CBFB: variants seen among roughly 807,000 people sequenced by gnomAD.
CBFB encodes the protein CBF-beta.
Under a neutral mutation model 30.4 loss-of-function variants are expected in CBFB, and 9 were observed. The ratio of observed to expected loss-of-function variants is 0.30; its 90% confidence interval spans 0.18 to 0.52. The LOEUF is 0.52. Among genes scored for constraint, CBFB ranks in the 20% least tolerant of loss-of-function variants. CBFB has a pLI of 0.97. For missense variants in CBFB, 170 were observed against 244.0 expected, an observed-to-expected ratio of 0.70 and a Z score of 2.02; for synonymous variants, 94 against 84.0, an observed-to-expected ratio of 1.12 and a Z score of -0.65.
chr16:67,078,009 T>C (rs1421156432), intron 4 of CBFB, among the ~76,000 whole-genome samples: 1 of 152,196 alleles, frequency 6.6e-6, no homozygotes, highest in Non-Finnish European at 1.5e-5. Flanking sequence ...GACGGGAGAA[T>C]TGAAAACCTT....
intron 3 of CBFB, among the ~76,000 whole-genome samples, chr16:67,065,105 G>T (rs1961016347): frequency 6.6e-6 from 1 of 152,074 alleles, no homozygotes; most frequent in African/African-American, 2.4e-5. Context: ...TGCCATGTTG[G>T]CCAGGCTGGT....
intron 2 of CBFB, among the ~76,000 whole-genome samples, chr16:67,030,719 C>T (rs1314754970): frequency 1.3e-5 from 2 of 152,148 alleles, no homozygotes; most frequent in South Asian, 2.1e-4. Context: ...CCTGCCTCAG[C>T]CTCCTGAGTA....
chr16:67,050,644 T>C (rs933199849), intron 3 of CBFB, among the ~76,000 whole-genome samples: 1 of 151,980 alleles, frequency 6.6e-6, no homozygotes, highest in Admixed American at 6.6e-5. Context: ...AGTTTAAAAA[T>C]TAGCCGGGTA....
At chr16:67,059,523 C>T (rs560999580) in intron 3 of CBFB, among the ~76,000 whole-genome samples, 19 of 152,282 alleles carry the variant, frequency 1.2e-4, no homozygotes, top group South Asian at 2.1e-4. Flanking sequence ...TGCGCAGCGA[C>T]GTTTCTGGCC....
chr16:67,093,227 G>GT (rs1424077252), intron 5 of CBFB, among the ~76,000 whole-genome samples: 1 of 152,118 alleles, frequency 6.6e-6, no homozygotes, highest in African/African-American at 2.4e-5. Context: ...AACTGTAGGC[G>GT]TGAGCCACCA....
At chr16:67,064,825 G>T (rs1012147989) in intron 3 of CBFB, among the ~76,000 whole-genome samples, 3 of 146,490 alleles carry the variant, frequency 2.0e-5, no homozygotes, top group African/African-American at 5.5e-5. Context: ...TTTGTTTTTT[G>T]TTGTTGTTTT....
At chr16:67,082,777 A>G (rs1052968486) in intron 5 of CBFB, among the ~76,000 whole-genome samples, 8 of 152,196 alleles carry the variant, frequency 5.3e-5, no homozygotes, top group African/African-American at 1.7e-4. Context: ...TTTAATATTC[A>G]AACTATTCAA....
At chr16:67,072,365 CTT>C (rs1354254111) in intron 4 of CBFB, among the ~76,000 whole-genome samples, 1 of 152,060 alleles carries the variant, frequency 6.6e-6, no homozygotes, top group Non-Finnish European at 1.5e-5. Context: ...AATACTTAGT[CTT>C]GATATTTATT....
At chr16:67,066,001 A>G (rs1002196420) in intron 3 of CBFB, among the ~76,000 whole-genome samples, 12 of 152,224 alleles carry the variant, frequency 7.9e-5, no homozygotes, top group Non-Finnish European at 1.6e-4. Flanking sequence ...ATGTGATATA[A>G]TAGTAAATAT....
chr16:67,099,353 T>C lies in CBFB; in HGVS notation c.*575T>C, dbSNP rs1962150868. On this transcript the variant is annotated 3_prime_UTR_variant, in exon 6 of 6. Coordinates refer to ENST00000412916, the MANE Select transcript of CBFB (RefSeq NM_022845.3). ...TAGCATAGAGCTGTCTGCCACAGCC[T>C]TCTGACAAAGTTTACAGTTATTAAA... 1 of 224,428 alleles carries C rather than the reference T, an allele frequency of 4.5e-6. No individual in the cohort carries two copies. Among genetic ancestry groups the C allele is most frequent in the South Asian group, 1.8e-4 (1 of 5,448 alleles). 13.9% of individuals were successfully genotyped at this position (224,428 alleles called of 1,614,324 possible). A position where few individuals can be genotyped will look rare whatever the true frequency, so the allele number is the denominator to read the frequency against.
chr16:67,057,809 A>C (rs548776159), intron 3 of CBFB, among the ~76,000 whole-genome samples: 1 of 152,084 alleles, frequency 6.6e-6, no homozygotes, highest in Non-Finnish European at 1.5e-5. Flanking sequence ...TCATATGTTA[A>C]GTATTTATAT....
intron 5 of CBFB, among the ~76,000 whole-genome samples, chr16:67,097,391 C>T (rs1000398726): frequency 6.6e-6 from 1 of 151,086 alleles, no homozygotes; most frequent in African/African-American, 2.4e-5. Context: ...ACTAAAACTA[C>T]AAAATTAGCC....
chr16:67,089,740 G>A (rs1438726633), intron 5 of CBFB, among the ~76,000 whole-genome samples: 2 of 152,178 alleles, frequency 1.3e-5, no homozygotes, highest in African/African-American at 2.4e-5. Context: ...TCTGGATGTA[G>A]TGGAATGAGC....
chr16:67,070,805 C>T (rs922026091), intron 4 of CBFB, among the ~76,000 whole-genome samples: 1 of 151,390 alleles, frequency 6.6e-6, no homozygotes, highest in African/African-American at 2.4e-5. Context: ...GAGCCGAGAT[C>T]ACACCACTGC....
rs367726921 is a variant in CBFB, at chr16:67,062,514, C to T, written c.283-4168C>T. Reference sequence around the variant, plus strand: ...TGGACATTAATATGAATAAGCTGGCCGGTGCGGTGGCTCATCCCTGTAACC... The same window carrying T: ...TGGACATTAATATGAATAAGCTGGCTGGTGCGGTGGCTCATCCCTGTAACC... On this transcript the variant is annotated intron_variant, in intron 3 of 5. Coordinates refer to ENST00000412916, the MANE Select transcript of CBFB (RefSeq NM_022845.3). Among the ~76,000 whole-genome samples the T allele has an allele frequency of 1.1e-4, 17 of 150,298 alleles. No individual in the cohort carries two copies. The East Asian group carries it at 1.4e-3, about 13-fold the overall frequency.
chr16:67,068,749 C>A (rs1294871979), intron 4 of CBFB, among the ~76,000 whole-genome samples: 2 of 152,034 alleles, frequency 1.3e-5, no homozygotes, highest in Non-Finnish European at 2.9e-5. Flanking sequence ...TGAGGGGGCC[C>A]AAGTGTTGGT....
intron 4 of CBFB, among the ~76,000 whole-genome samples, chr16:67,081,932 C>G (rs1023219836): frequency 4.0e-5 from 6 of 150,610 alleles, no homozygotes; most frequent in Non-Finnish European, 7.4e-5. Flanking sequence ...AGCTATTCTG[C>G]CTCAGCCTCC....
intron 4 of CBFB, among the ~76,000 whole-genome samples, chr16:67,069,803 G>T (rs1961167698): frequency 6.6e-6 from 1 of 152,174 alleles, no homozygotes; most frequent in South Asian, 2.1e-4. Context: ...AAAGTTGTGG[G>T]ATGACATATT....
intron 3 of CBFB, among the ~76,000 whole-genome samples, chr16:67,038,278 TTG>T (rs988206228): frequency 6.7e-6 from 1 of 149,154 alleles, no homozygotes; most frequent in East Asian, 1.9e-4. Context: ...TAATTTAATC[TTG>T]TGTGTATATA....
Sources: gnomAD v4.1 joint callset for allele counts (sites outside exome capture counted in the v4.1 genomes callset) on GRCh38, gnomAD v4.1.1 for gene constraint, MANE v1.5 for transcripts, NCBI Gene and HGNC (gene_info 2026-07-23, HGNC 2026-07-21) for gene names.